BCL2: variants seen among roughly 807,000 people sequenced by gnomAD.
BCL2 encodes the protein apoptosis regulator Bcl-2.
In BCL2, 1 loss-of-function variant was observed where a neutral mutation model predicts 14.2. The observed-to-expected ratio is 0.07, with a 90% confidence interval of 0.02 to 0.33. The LOEUF (loss-of-function observed/expected upper bound fraction) is 0.33. BCL2 is among the 10% of genes least tolerant of loss of function. BCL2 has a pLI of 0.99. For missense variants in BCL2, 247 were observed against 305.9 expected (o/e 0.81, Z 1.44); for synonymous variants, 151 against 137.2 (o/e 1.10, Z -0.70).
intron 2 of BCL2, among the ~76,000 whole-genome samples, chr18:63,295,475 A>C (rs1912773663): frequency 1.3e-5 from 2 of 152,164 alleles, no homozygotes; most frequent in Non-Finnish European, 2.9e-5. Flanking sequence ...GCTTATTAAT[A>C]CAATTCTTGC....
intron 2 of BCL2, among the ~76,000 whole-genome samples, chr18:63,228,904 T>A (rs1405850414): frequency 1.3e-5 from 2 of 152,228 alleles, no homozygotes; most frequent in African/African-American, 2.4e-5. Context: ...GAGATAAGGT[T>A]TCGCCATGTT....
At chr18:63,172,298 C>T (rs970482452) in intron 2 of BCL2, among the ~76,000 whole-genome samples, 22 of 152,362 alleles carry the variant, frequency 1.4e-4, no homozygotes, top group African/African-American at 5.3e-4. Context: ...TCTCCTCACT[C>T]GTGAGTATTA....
intron 2 of BCL2, among the ~76,000 whole-genome samples, chr18:63,166,303 T>C (rs1915043076): frequency 6.6e-6 from 1 of 152,202 alleles, no homozygotes; most frequent in South Asian, 2.1e-4. Context: ...GAATGGGCCT[T>C]GGAAGACGAG....
chr18:63,150,329 C>G (rs1344466865), intron 2 of BCL2, among the ~76,000 whole-genome samples: 1 of 152,218 alleles, frequency 6.6e-6, no homozygotes, highest in Non-Finnish European at 1.5e-5. Context: ...TCAGCAACAC[C>G]CAGCTGAAGA....
chr18:63,298,217 C>A (rs999572589), intron 2 of BCL2, among the ~76,000 whole-genome samples: 2 of 151,818 alleles, frequency 1.3e-5, no homozygotes, highest in Non-Finnish European at 1.5e-5. Flanking sequence ...TTTGTTATGA[C>A]AAGAGTTTAT....
At chr18:63,240,160 G>A (rs1910959431) in intron 2 of BCL2, among the ~76,000 whole-genome samples, 1 of 152,044 alleles carries the variant, frequency 6.6e-6, no homozygotes, top group Non-Finnish European at 1.5e-5. Flanking sequence ...GTTAATTTTT[G>A]TATTTCTTGG....
In BCL2 at chr18:63,199,297, CAG is replaced by C. The variant is rs1389808218; in HGVS notation, c.586-70540_586-70539del. Among the ~76,000 whole-genome samples, 3 of 150,322 alleles carry C rather than the reference CAG, an allele frequency of 2.0e-5. No homozygotes were observed. The East Asian group carries it at 6.0e-4, about 30-fold the overall frequency. ...ACACACACAGACACATGCACAGACACAGAGACACACACATATACTACACAACA... is the reference window on the plus strand; with the variant it reads ...ACACACACAGACACATGCACAGACACAGACACACACATATACTACACAACA... On this transcript the variant is annotated intron_variant, in intron 2 of 2. Transcript: ENST00000333681.
intron 2 of BCL2, among the ~76,000 whole-genome samples, chr18:63,205,178 C>T (rs553081524): frequency 4.6e-5 from 7 of 152,276 alleles, no homozygotes; most frequent in South Asian, 2.1e-4. Flanking sequence ...TTCAAACTGA[C>T]GATTATAATT....
intron 2 of BCL2, among the ~76,000 whole-genome samples, chr18:63,268,886 A>G (rs925005759): frequency 1.3e-5 from 2 of 152,212 alleles, no homozygotes; most frequent in African/African-American, 4.8e-5. Flanking sequence ...GAGGGAAAAC[A>G]GTACCCAATC....
intron 2 of BCL2, among the ~76,000 whole-genome samples, chr18:63,251,979 G>A (rs1482378424): frequency 6.6e-6 from 1 of 152,124 alleles, no homozygotes; most frequent in African/African-American, 2.4e-5. Context: ...GATTACAGGC[G>A]TGAGCCACTG....
At chr18:63,317,180 T>C (rs1913524861) in intron 2 of BCL2, 1 of 152,152 alleles carries the variant, frequency 6.6e-6, no homozygotes, top group Admixed American at 6.5e-5. Flanking sequence ...AAAGTAAGGG[T>C]AAGATAATCC....
intron 2 of BCL2, among the ~76,000 whole-genome samples, chr18:63,298,635 T>G (rs1273770069): frequency 6.6e-6 from 1 of 152,258 alleles, no homozygotes; most frequent in Non-Finnish European, 1.5e-5. Context: ...AATGCAATGC[T>G]ATTTTATATT....
intron 2 of BCL2, among the ~76,000 whole-genome samples, chr18:63,143,419 TCAGAACACTACACGTG>T (rs1485608680): frequency 1.3e-5 from 2 of 152,126 alleles, no homozygotes; most frequent in Non-Finnish European, 2.9e-5. Flanking sequence ...AGGAGCAAGG[TCAGAACACTACACGTG>T]CCCACTGTAC....
At chr18:63,166,163 C>A (rs1207657947) in intron 2 of BCL2, among the ~76,000 whole-genome samples, 1 of 152,134 alleles carries the variant, frequency 6.6e-6, no homozygotes, top group Non-Finnish European at 1.5e-5. Flanking sequence ...ACTGCCCAGT[C>A]CCATGCCCCA....
At chr18:63,133,386 G>T (rs550490471) in intron 2 of BCL2, among the ~76,000 whole-genome samples, 51 of 137,252 alleles carry the variant, frequency 3.7e-4, no homozygotes, top group African/African-American at 1.4e-3. Flanking sequence ...TGGCTCCCAG[G>T]TTCAAGCAAT....
intron 2 of BCL2, among the ~76,000 whole-genome samples, chr18:63,130,359 A>G (rs1462955600): frequency 2.0e-5 from 3 of 152,212 alleles, no homozygotes; most frequent in Admixed American, 6.5e-5. Context: ...AACAGTGCAC[A>G]GAGGGGTTCC....
chr18:63,291,612 C>T (rs1024323625), intron 2 of BCL2, among the ~76,000 whole-genome samples: 5 of 152,094 alleles, frequency 3.3e-5, no homozygotes, highest in South Asian at 2.1e-4. Context: ...GTAAAAGACT[C>T]GGGAACACAT....
rs144406158 is a variant in BCL2, at chr18:63,130,820, G to A, written c.586-2061C>T. ...AAACAAACTCCTAGAAGTGACCTCAGTTAACCAGTCATCAATATTGCTTCC... is the reference window on the plus strand; with the variant it reads ...AAACAAACTCCTAGAAGTGACCTCAATTAACCAGTCATCAATATTGCTTCC... On this transcript the variant is annotated intron_variant, in intron 2 of 2. Transcript: ENST00000333681. Among the ~76,000 whole-genome samples, 337 of 152,266 alleles carry A rather than the reference G, an allele frequency of 2.2e-3. 1 individual carries two copies. The highest frequency in any genetic ancestry group is 7.4e-3 in the African/African-American group (308 of 41,550).
intron 2 of BCL2, among the ~76,000 whole-genome samples, chr18:63,210,519 G>A (rs1392992272): frequency 6.6e-6 from 1 of 151,978 alleles, no homozygotes; most frequent in Non-Finnish European, 1.5e-5. Flanking sequence ...ATTCTAATCA[G>A]CAATGAGTTT....
Sources: gnomAD v4.1 joint callset for allele counts (sites outside exome capture counted in the v4.1 genomes callset) on GRCh38, gnomAD v4.1.1 for gene constraint, MANE v1.5 for transcripts, NCBI Gene and HGNC (gene_info 2026-07-23, HGNC 2026-07-21) for gene names.